LRFN5: variants seen among roughly 807,000 people sequenced by gnomAD.
LRFN5 encodes the protein leucine-rich repeat and fibronectin type-III domain-containing protein 5.
In LRFN5, 24 loss-of-function variants were observed where a neutral mutation model predicts 45.6. The ratio of observed to expected loss-of-function variants is 0.53; its 90% CI spans 0.38 to 0.74. LRFN5 has a LOEUF of 0.74. LRFN5 is among the 30% of genes least tolerant of loss of function. The pLI, the probability that LRFN5 is intolerant of heterozygous loss-of-function variation, is 0.00. For missense variants in LRFN5, 776 were observed against 861.5 expected, an observed-to-expected ratio of 0.90 and a Z score of 1.24; for synonymous variants, 340 against 313.8, an observed-to-expected ratio of 1.08 and a Z score of -0.88.
intron 2 of LRFN5, among the ~76,000 whole-genome samples, chr14:41,854,526 G>T (rs1594467988): frequency 6.6e-6 from 1 of 152,064 alleles, no homozygotes; most frequent in African/African-American, 2.4e-5. Flanking sequence ...AAAAAGAAAT[G>T]ACCTGGTAGA....
At chr14:41,773,796 G>T (rs1469944090) in intron 2 of LRFN5, among the ~76,000 whole-genome samples, 1 of 152,158 alleles carries the variant, frequency 6.6e-6, no homozygotes, top group Non-Finnish European at 1.5e-5. Flanking sequence ...CAATTTTCTG[G>T]CTTTCAGAGA....
At chr14:41,768,584 T>C (rs1885970828) in intron 2 of LRFN5, among the ~76,000 whole-genome samples, 1 of 152,148 alleles carries the variant, frequency 6.6e-6, no homozygotes, top group Non-Finnish European at 1.5e-5. Context: ...GTGTTTTTCA[T>C]GTGCTTAAGG....
At position 41,613,401 on chromosome 14, in the gene LRFN5, C is replaced by T. The variant is rs191164061; in HGVS notation, c.-197+4839C>T. Among the ~76,000 whole-genome samples the T allele has an allele frequency of 6.8e-4, 104 of 152,074 alleles. No individual in the cohort carries two copies. In the East Asian group the frequency reaches 0.014, roughly 20 times the overall value. The stretch of plus-strand genomic sequence containing the variant: ...GCACATATTTACCTATGTAACAAAC[C>T]TGCACGTGTACCCCAGAACTTAAAA... On this transcript the variant is annotated intron_variant, in intron 1 of 5. Coordinates refer to ENST00000298119, the MANE Select transcript of LRFN5 (RefSeq NM_152447.5).
At chr14:41,876,282 T>TG (rs1555328652) in intron 2 of LRFN5, among the ~76,000 whole-genome samples, 1 of 118,308 alleles carries the variant, frequency 8.5e-6, no homozygotes, top group South Asian at 3.2e-4. Flanking sequence ...TCTTTCTTTT[T>TG]TTTTTTTTTT....
intron 2 of LRFN5, among the ~76,000 whole-genome samples, chr14:41,871,598 A>C (rs971784416): frequency 6.6e-6 from 1 of 152,128 alleles, no homozygotes; most frequent in African/African-American, 2.4e-5. Context: ...AAAAAAAAAA[A>C]AATCCCAAAT....
chr14:41,807,799 C>A (rs1459958781), intron 2 of LRFN5, among the ~76,000 whole-genome samples: 1 of 151,926 alleles, frequency 6.6e-6, no homozygotes, highest in African/African-American at 2.4e-5. Flanking sequence ...TTACCATGAG[C>A]CCCCACCCCT....
intron 2 of LRFN5, among the ~76,000 whole-genome samples, chr14:41,801,999 T>C (rs1163168256): frequency 6.6e-6 from 1 of 152,024 alleles, no homozygotes; most frequent in African/African-American, 2.4e-5. Context: ...GAGGATGTCT[T>C]ATGGTGGAGA....
intron 1 of LRFN5, among the ~76,000 whole-genome samples, chr14:41,646,719 C>T (rs1879834287): frequency 6.6e-6 from 1 of 152,198 alleles, no homozygotes; most frequent in Non-Finnish European, 1.5e-5. Flanking sequence ...ATTTATTGAG[C>T]ATTCATGCTG....
At chr14:41,893,173 A>G in intron 4 of LRFN5, 1 of 982,750 alleles carries the variant, frequency 1.0e-6, no homozygotes, top group Non-Finnish European at 1.2e-6. Flanking sequence ...CTAACTAGAA[A>G]TCATGCTGCT....
At chr14:41,893,486 A>G in intron 4 of LRFN5, 1 of 984,708 alleles carries the variant, frequency 1.0e-6, no homozygotes, top group Non-Finnish European at 1.2e-6. Context: ...TAAGATAGGT[A>G]CTTTACTATC....
intron 2 of LRFN5, among the ~76,000 whole-genome samples, chr14:41,781,562 AAGAAAGAAAGAAAG>A (rs1244724186): frequency 2.9e-4 from 5 of 17,260 alleles, no homozygotes; most frequent in Admixed American, 5.6e-4. Context: ...AAGAAAGAGA[AAGAAAGAAAGAAAG>A]AAAGAAAGAA....
intron 1 of LRFN5, among the ~76,000 whole-genome samples, chr14:41,755,031 T>G (rs1298216833): frequency 2.6e-5 from 4 of 152,214 alleles, no homozygotes; most frequent in Admixed American, 2.6e-4. Flanking sequence ...TACCCGGTAG[T>G]CATTCAGGAG....
chr14:41,662,880 G>A (rs1594592406), intron 1 of LRFN5, among the ~76,000 whole-genome samples: 1 of 152,156 alleles, frequency 6.6e-6, no homozygotes, highest in East Asian at 1.9e-4. Context: ...TAACCAAGTT[G>A]CACAGCACAA....
At chr14:41,759,158 G>T (rs1885539904) in intron 1 of LRFN5, among the ~76,000 whole-genome samples, 1 of 152,006 alleles carries the variant, frequency 6.6e-6, no homozygotes, top group Admixed American at 6.6e-5. Flanking sequence ...TCCTGTCATT[G>T]TAATGTGTTT....
At chr14:41,783,975 C>T (rs577125003) in intron 2 of LRFN5, among the ~76,000 whole-genome samples, 1 of 152,150 alleles carries the variant, frequency 6.6e-6, no homozygotes, top group East Asian at 1.9e-4. Flanking sequence ...CTTAATGCTG[C>T]TTTCCACAAG....
chr14:41,697,859 A>G, intron 1 of LRFN5, among the ~76,000 whole-genome samples: 1 of 151,934 alleles, frequency 6.6e-6, no homozygotes, highest in Admixed American at 6.6e-5. Flanking sequence ...TATATCATAG[A>G]TATAGTGAGT....
intron 2 of LRFN5, among the ~76,000 whole-genome samples, chr14:41,875,606 C>T (rs1170462821): frequency 6.6e-6 from 1 of 152,192 alleles, no homozygotes; most frequent in African/African-American, 2.4e-5. Flanking sequence ...GGAATTTATA[C>T]ACTTAAAAGA....
chr14:41,693,797 A>G (rs1882482136), intron 1 of LRFN5, among the ~76,000 whole-genome samples: 1 of 151,884 alleles, frequency 6.6e-6, no homozygotes, highest in Non-Finnish European at 1.5e-5. Context: ...TAGACTCCAT[A>G]TACTGTTGAT....
Position 41,891,741 on chromosome 14 carries a change from C to T in LRFN5, c.1877C>T (p.Thr626Ile), listed in dbSNP as rs1890791695. 1 of 1,614,060 alleles carries T rather than the reference C, an allele frequency of 6.2e-7. No homozygotes were observed. The change falls in exon 4 of 6, where the codon ACC (threonine) becomes ATC (isoleucine). Residue 626 changes from threonine (T) to isoleucine (I), a missense_variant. By Grantham distance (89) the Thr-to-Ile change is moderately conservative. Coordinates refer to ENST00000298119, the MANE Select transcript of LRFN5 (RefSeq NM_152447.5). ...TCSSQDSSTT[T>I]SALPPSWTSS... is the part of the protein sequence containing the mutation. ...TCGAGTCAGGACTCCTCTACCACTA[C>T]CTCTGCTTTGCCTCCTTCCTGGACT...
Sources: gnomAD v4.1 joint callset for allele counts (sites outside exome capture counted in the v4.1 genomes callset) on GRCh38, gnomAD v4.1.1 for gene constraint, MANE v1.5 for transcripts, NCBI Gene and HGNC (gene_info 2026-07-23, HGNC 2026-07-21) for gene names.